MICU3: variants seen among roughly 807,000 people sequenced by gnomAD.
MICU3 encodes calcium uptake protein 3, mitochondrial.
Under a neutral mutation model 66.5 loss-of-function variants are expected in MICU3, and 62 were observed. The observed-to-expected ratio is 0.93, with a 90% CI of 0.76 to 1.15. MICU3 has a LOEUF of 1.15. MICU3 is among the 50% of genes most tolerant of loss of function. The pLI, the probability that MICU3 is intolerant of heterozygous loss-of-function variation, is 0.00. For missense variants in MICU3, 779 were observed against 664.4 expected (o/e 1.17, Z -1.90); for synonymous variants, 308 against 240.7 (o/e 1.28, Z -2.59).
intron 1 of MICU3, among the ~76,000 whole-genome samples, chr8:17,029,030 C>G (rs577771533): frequency 6.6e-6 from 1 of 152,306 alleles, no homozygotes; most frequent in Non-Finnish European, 1.5e-5. Flanking sequence ...CCACGACTTG[C>G]TACTTGTGTC....
chr8:17,063,778 A>G (rs1314123790), intron 1 of MICU3, among the ~76,000 whole-genome samples: 3 of 152,202 alleles, frequency 2.0e-5, no homozygotes, highest in South Asian at 4.1e-4. Context: ...CACTGGCTCC[A>G]TAATTTAATG....
intron 1 of MICU3, among the ~76,000 whole-genome samples, chr8:17,046,150 T>C (rs1298041371): frequency 1.3e-5 from 2 of 152,234 alleles, no homozygotes; most frequent in Non-Finnish European, 2.9e-5. Context: ...TTGAAGCTAG[T>C]CAGTCAGAAG....
intron 9 of MICU3, among the ~76,000 whole-genome samples, chr8:17,100,257 G>A (rs1030555710): frequency 6.6e-6 from 1 of 150,568 alleles, no homozygotes; most frequent in Non-Finnish European, 1.5e-5. Flanking sequence ...ACTATTGGCT[G>A]TAATTAATCC....
chr8:17,054,338 T>C, intron 1 of MICU3, among the ~76,000 whole-genome samples: 1 of 152,348 alleles, frequency 6.6e-6, no homozygotes, highest in Middle Eastern at 3.4e-3. Context: ...GATTTTACTA[T>C]ATGAATGAAA....
chr8:17,105,381 C>A (rs780273308), intron 10 of MICU3, 32 bp from the exon 11 acceptor site: 43 of 1,338,152 alleles, frequency 3.2e-5, no homozygotes, highest in Non-Finnish European at 4.4e-5. Flanking sequence ...CTTTCTTTAT[C>A]TTTTTCCTTC....
chr8:17,073,196 G>C (rs2150685717), intron 3 of MICU3, among the ~76,000 whole-genome samples: 1 of 152,304 alleles, frequency 6.6e-6, no homozygotes. Context: ...GCATACTAGA[G>C]AAATGTTTTC....
At chr8:17,137,396 A>T in the MICU3 span, among the ~76,000 whole-genome samples, 1 of 151,824 alleles carries the variant, frequency 6.6e-6, no homozygotes, top group Non-Finnish European at 1.5e-5. Flanking sequence ...TTTAAATTTT[A>T]TTTACTTAGA....
At chr8:17,049,740 G>A in intron 1 of MICU3, 1 of 483,762 alleles carries the variant, frequency 2.1e-6, no homozygotes, top group Non-Finnish European at 4.1e-6. Flanking sequence ...TTTGCTGCCT[G>A]TGTGACCCTG....
At chr8:17,136,042 G>A in the MICU3 span, among the ~76,000 whole-genome samples, 1 of 152,088 alleles carries the variant, frequency 6.6e-6, no homozygotes, top group South Asian at 2.1e-4. Context: ...CATGTTATAG[G>A]ACATAGTTGA....
the MICU3 span, among the ~76,000 whole-genome samples, chr8:17,137,402 T>TTAGAATGATA: frequency 6.6e-6 from 1 of 151,702 alleles, no homozygotes; most frequent in African/African-American, 2.4e-5. Context: ...TTTTATTTAC[T>TTAGAATGATA]TAGAATGATA....
At chr8:17,126,395 GA>G (rs530465424), downstream of MICU3, among the ~76,000 whole-genome samples, 31 of 151,052 alleles carry the variant, frequency 2.1e-4, no homozygotes, top group South Asian at 4.4e-3. Flanking sequence ...AACCTATACT[GA>G]AAAAAAAATT....
intron 1 of MICU3, among the ~76,000 whole-genome samples, chr8:17,028,403 A>T (rs1399343322): frequency 6.6e-6 from 1 of 152,198 alleles, no homozygotes; most frequent in East Asian, 1.9e-4. Flanking sequence ...AGTTAATAAT[A>T]CAAGGTAAAG....
intron 1 of MICU3, among the ~76,000 whole-genome samples, chr8:17,052,288 T>C (rs1816229384): frequency 6.6e-6 from 1 of 151,932 alleles, no homozygotes. Context: ...GCATACAGTA[T>C]GTAATGATCA....
chr8:17,069,731 C>G lies in MICU3; in HGVS notation c.567+12C>G. ...CACTTTCCAAACAGGTGAGTTAAAG[C>G]TCTTGGTAGATATACACAAATTTTA... On this transcript the variant is annotated intron_variant, in intron 3 of 14. Coordinates refer to ENST00000318063, the MANE Select transcript of MICU3 (RefSeq NM_181723.3). 2.7e-6 allele frequency: 4 copies of G among 1,498,534 alleles called. No individual in the cohort carries two copies. The East Asian group carries it at 7.2e-5, about 27-fold the overall frequency. The allele number at this position is 1,498,534 out of a possible 1,614,324, so 92.8% of individuals were successfully genotyped here.
chr8:17,123,445 T>G (rs896826585), downstream of MICU3, among the ~76,000 whole-genome samples: 1 of 152,092 alleles, frequency 6.6e-6, no homozygotes, highest in Non-Finnish European at 1.5e-5. Context: ...TTTTTTTTAA[T>G]GGACTGAGTA....
chr8:17,099,576 G>T, intron 9 of MICU3, among the ~76,000 whole-genome samples: 1 of 151,694 alleles, frequency 6.6e-6, no homozygotes, highest in Non-Finnish European at 1.5e-5. Flanking sequence ...ATATGTCTGT[G>T]ATATATAAAT....
intron 1 of MICU3, among the ~76,000 whole-genome samples, chr8:17,033,879 T>C (rs1417560938): frequency 3.9e-5 from 6 of 152,176 alleles, no homozygotes; most frequent in Non-Finnish European, 7.3e-5. Flanking sequence ...GAAATGATGA[T>C]GTGCAGGGGG....
At chr8:17,124,640 A>C (rs1169533090), downstream of MICU3, among the ~76,000 whole-genome samples, 1 of 151,544 alleles carries the variant, frequency 6.6e-6, no homozygotes, top group Non-Finnish European at 1.5e-5. Context: ...ATTTTTTGGA[A>C]TAGAGCATAA....
At chr8:17,039,134 A>G (rs1813591034) in intron 1 of MICU3, among the ~76,000 whole-genome samples, 1 of 152,144 alleles carries the variant, frequency 6.6e-6, no homozygotes, top group Non-Finnish European at 1.5e-5. Context: ...CTTTTTTAGC[A>G]ATAAAGTATT....
Sources: gnomAD v4.1 joint callset for allele counts (sites outside exome capture counted in the v4.1 genomes callset) on GRCh38, gnomAD v4.1.1 for gene constraint, MANE v1.5 for transcripts, NCBI Gene and HGNC (gene_info 2026-07-23, HGNC 2026-07-21) for gene names.